The following DOCK10 variants were observed in gnomAD, a reference collection of about 807,000 sequenced individuals.
DOCK10 encodes dedicator of cytokinesis protein 10.
Under a neutral mutation model 280.1 loss-of-function variants are expected in DOCK10, and 145 were observed. The ratio of observed to expected loss-of-function variants is 0.52; its 90% CI spans 0.45 to 0.59. The LOEUF is 0.59. DOCK10 is among the 20% of genes least tolerant of loss of function. The pLI, the probability that DOCK10 is intolerant of heterozygous loss-of-function variation, is 0.00. For synonymous variants in DOCK10, 915 were observed against 942.2 expected, an observed-to-expected ratio of 0.97 and a Z score of 0.53; for missense variants, 2,368 against 2,651.7, an observed-to-expected ratio of 0.89 and a Z score of 2.35.
intron 1 of DOCK10, chr2:224,946,898 C>T: frequency 6.5e-7 from 1 of 1,547,022 alleles, no homozygotes; most frequent in South Asian, 1.2e-5. Context: ...CAGTTCGTCT[C>T]TTCTTCCAAA....
intron 11 of DOCK10, among the ~76,000 whole-genome samples, chr2:224,865,928 C>T (rs1697883195): frequency 6.6e-6 from 1 of 151,788 alleles, no homozygotes; most frequent in Non-Finnish European, 1.5e-5. Flanking sequence ...CTAACAGTCA[C>T]CTATTATAAC....
At chr2:224,955,872 T>C (rs1704007139) in intron 1 of DOCK10, among the ~76,000 whole-genome samples, 1 of 152,220 alleles carries the variant, frequency 6.6e-6, no homozygotes, top group African/African-American at 2.4e-5. Context: ...GAAACAAGAA[T>C]TGGATACCTC....
rs371745459 is a variant in DOCK10 at position 224,793,509 on chromosome 2, T to C, written c.5155-52A>G. ...CTCAGGGGATGGAGTTTAATATAATTAGGGCTAATCTTCCAAGGCGAGTCA... is the reference window on the plus strand; with the variant it reads ...CTCAGGGGATGGAGTTTAATATAATCAGGGCTAATCTTCCAAGGCGAGTCA... On this transcript the variant is annotated intron_variant, in intron 45 of 55. Transcript: ENST00000258390. The C allele has an allele frequency of 5.0e-5, 72 of 1,444,364 alleles. No individual in the cohort carries two copies. The African/African-American group carries it at 9.6e-4, about 19-fold the overall frequency. The allele number at this position is 1,444,364 out of a possible 1,614,324, so 89.5% of individuals were successfully genotyped here. A position where few individuals can be genotyped will look rare whatever the true frequency, so the allele number is the denominator to read the frequency against.
chr2:225,023,386 T>C (rs573864116), intron 1 of DOCK10, among the ~76,000 whole-genome samples: 7 of 152,150 alleles, frequency 4.6e-5, no homozygotes, highest in Non-Finnish European at 1.0e-4. Flanking sequence ...ATTTGCAATA[T>C]GAATGCAAAT....
intron 4 of DOCK10, among the ~76,000 whole-genome samples, chr2:224,887,465 G>A (rs975028083): frequency 1.2e-4 from 15 of 129,958 alleles, no homozygotes; most frequent in African/African-American, 4.2e-4. Flanking sequence ...AAACAAGAGT[G>A]TGCATCTGGT....
intron 3 of DOCK10, among the ~76,000 whole-genome samples, chr2:224,902,579 GA>G (rs1245176237): frequency 1.3e-5 from 2 of 152,130 alleles, no homozygotes; most frequent in East Asian, 3.8e-4. Context: ...AGACATTTCA[GA>G]GTGAAAAGAG....
intron 7 of DOCK10, among the ~76,000 whole-genome samples, chr2:224,884,964 G>T (rs1315470989): frequency 6.6e-6 from 1 of 151,980 alleles, no homozygotes; most frequent in African/African-American, 2.4e-5. Context: ...CTGCCGCAGG[G>T]CCTTTGAACT....
intron 1 of DOCK10, among the ~76,000 whole-genome samples, chr2:224,985,630 G>GAA (rs56042875): frequency 3.2e-4 from 46 of 142,120 alleles, no homozygotes; most frequent in African/African-American, 1.1e-3. Flanking sequence ...GGTTAAGGAG[G>GAA]AAAAAAAAAA....
intron 17 of DOCK10, 23 bp from the exon 18 acceptor site, chr2:224,852,465 T>C: frequency 2.6e-6 from 4 of 1,544,122 alleles, no homozygotes; most frequent in Non-Finnish European, 3.5e-6. Flanking sequence ...AGAGAAAAAA[T>C]GGAAATTGTA....
rs67538456 is a variant in DOCK10, at chr2:224,943,761, C to CT, written c.124-12094dup. On this transcript the variant is annotated intron_variant, in intron 1 of 55. Coordinates refer to ENST00000258390, the MANE Select transcript of DOCK10 (RefSeq NM_014689.3). ...TTGGTTTAAGATTTTTTTTTCTTTT[C>CT]TTTTTTTTTTTTTTTTTTTTGAGTC... 8.0e-3 allele frequency among the ~76,000 whole-genome samples: 860 copies of CT among 107,322 alleles called. 13 individuals carry two copies. Among genetic ancestry groups the CT allele is most frequent in the East Asian group, 0.042 (166 of 3,964 alleles). The allele number at this position is 107,322 out of a possible 152,430, so 70.4% of individuals were successfully genotyped here. A position where few individuals can be genotyped will look rare whatever the true frequency, so the allele number is the denominator to read the frequency against.
intron 26 of DOCK10, 81 bp downstream of exon 26, chr2:224,834,069 C>A (rs1695432086): frequency 5.0e-6 from 4 of 798,606 alleles, no homozygotes; most frequent in Admixed American, 2.4e-5. Context: ...CTATGAAAAT[C>A]CATGACTCCT....
chr2:224,879,251 C>G (rs1698828432), intron 7 of DOCK10, among the ~76,000 whole-genome samples: 1 of 152,142 alleles, frequency 6.6e-6, no homozygotes, highest in African/African-American at 2.4e-5. Flanking sequence ...CTAGACGCCC[C>G]ACTCTCCCCA....
At chr2:224,941,566 G>A (rs1911628) in intron 1 of DOCK10, among the ~76,000 whole-genome samples, 33,933 of 152,024 alleles carry the variant, frequency 0.22, 4,406 homozygotes, top group Non-Finnish European at 0.28. Flanking sequence ...GGCTCAGGCC[G>A]GGTGTGGTAG....
At chr2:224,952,303 A>G (rs1703783504) in intron 1 of DOCK10, among the ~76,000 whole-genome samples, 1 of 152,226 alleles carries the variant, frequency 6.6e-6, no homozygotes, top group South Asian at 2.1e-4. Context: ...GAAGGTGTAG[A>G]TGAGAAAGAC....
chr2:224,774,920 G>T lies in DOCK10; in HGVS notation c.5998C>A (p.Arg2000=). The change falls in exon 52 of 56, where the codon CGG becomes AGG. Residue 2000 remains arginine (R), a synonymous_variant. Transcript: ENST00000258390. The stretch of plus-strand genomic sequence containing the variant: ...CTGCACCTACTTGTCAGGATCGTCC[G>T]CCGCTTGCACTGCTCCGCCACCCCA... The part of the protein sequence containing the change: ...HGGVAEQCKR[R]TILTTSHLFP... 6.3e-7 allele frequency: 1 copy of T among 1,597,298 alleles called. No individual in the cohort carries two copies.
chr2:224,843,960 A>C (rs1401492958), intron 22 of DOCK10, among the ~76,000 whole-genome samples: 4 of 152,164 alleles, frequency 2.6e-5, no homozygotes, highest in Non-Finnish European at 5.9e-5. Context: ...ATGAGGAAAT[A>C]AGGATATCAG....
intron 1 of DOCK10, among the ~76,000 whole-genome samples, chr2:224,965,127 T>C (rs535425430): frequency 5.6e-4 from 85 of 152,342 alleles, no homozygotes; most frequent in Non-Finnish European, 7.3e-4. Flanking sequence ...AATAATTACA[T>C]TGTGTATCTC....
chr2:224,990,818 G>T (rs1187479287), intron 1 of DOCK10, among the ~76,000 whole-genome samples: 2 of 152,108 alleles, frequency 1.3e-5, no homozygotes, highest in African/African-American at 4.8e-5. Flanking sequence ...CTTACCCTAA[G>T]GTCACTACTT....
intron 1 of DOCK10, among the ~76,000 whole-genome samples, chr2:225,012,030 T>A (rs1689453837): frequency 6.6e-6 from 1 of 152,188 alleles, no homozygotes. Context: ...CTTTGCCCAA[T>A]ATTATTATTA....
Sources: allele counts gnomAD v4.1 joint callset (sites outside exome capture counted in the v4.1 genomes callset), GRCh38; gene constraint gnomAD v4.1.1; transcripts MANE v1.5; gene names NCBI Gene and HGNC (gene_info 2026-07-23, HGNC 2026-07-21).